Variants in FSTL4 observed in about 807,000 individuals in gnomAD.
FSTL4 encodes the protein follistatin like 4, also known as follistatin-related protein 4.
Under a neutral mutation model 78.2 loss-of-function variants are expected in FSTL4, and 28 were observed. That is an observed-to-expected ratio of 0.36 (90% CI 0.27 to 0.49). FSTL4 has a LOEUF of 0.49. Ranked by LOEUF, FSTL4 falls within the 20% of genes least tolerant of loss-of-function variation. The probability of loss-of-function intolerance (pLI) is 0.98; values close to 1 mark genes in which losing one functional copy is unlikely to be tolerated. For synonymous variants in FSTL4, 422 were observed against 440.5 expected (o/e 0.96, Z 0.53); for missense variants, 922 against 1,084.9 (o/e 0.85, Z 2.11).
the FSTL4 span, among the ~76,000 whole-genome samples, chr5:133,713,609 C>A: frequency 6.6e-6 from 1 of 152,130 alleles, no homozygotes; most frequent in African/African-American, 2.4e-5. Flanking sequence ...AGGATCCTTC[C>A]ATCTTCCCAG....
intron 3 of FSTL4, among the ~76,000 whole-genome samples, chr5:133,421,737 C>T (rs952733669): frequency 6.6e-6 from 1 of 152,218 alleles, no homozygotes; most frequent in Non-Finnish European, 1.5e-5. Context: ...AGATTGGCAG[C>T]AAGCTGCTTT....
At chr5:133,233,801 C>T (rs2126804053) in intron 7 of FSTL4, among the ~76,000 whole-genome samples, 1 of 152,304 alleles carries the variant, frequency 6.6e-6, no homozygotes, top group South Asian at 2.1e-4. Flanking sequence ...GGTTTGAACA[C>T]ATCCCCCAGC....
the FSTL4 span, among the ~76,000 whole-genome samples, chr5:133,626,738 A>G: frequency 2.0e-5 from 3 of 151,836 alleles, no homozygotes; most frequent in East Asian, 1.9e-4. Flanking sequence ...TCCTTTGTGG[A>G]TGGAGAATGC....
chr5:133,779,163 C>G, the FSTL4 span, among the ~76,000 whole-genome samples: 1 of 152,304 alleles, frequency 6.6e-6, no homozygotes, highest in Non-Finnish European at 1.5e-5. Context: ...AAATCCCAAT[C>G]CCATCTCCTT....
At chr5:133,429,779 C>T (rs538001776) in intron 3 of FSTL4, among the ~76,000 whole-genome samples, 1 of 152,340 alleles carries the variant, frequency 6.6e-6, no homozygotes, top group South Asian at 2.1e-4. Context: ...GAGGCATCCA[C>T]CTTCAGCATG....
intron 6 of FSTL4, among the ~76,000 whole-genome samples, chr5:133,249,787 A>G (rs1337694008): frequency 1.3e-5 from 2 of 152,274 alleles, no homozygotes; most frequent in Non-Finnish European, 2.9e-5. Context: ...CCAAAAGGCT[A>G]TGTGAGTCCA....
intron 3 of FSTL4, among the ~76,000 whole-genome samples, chr5:133,436,522 C>A (rs1757034993): frequency 6.6e-6 from 1 of 151,960 alleles, no homozygotes; most frequent in Non-Finnish European, 1.5e-5. Context: ...AGCCTTTATT[C>A]TAGAAGCATT....
intron 1 of FSTL4, among the ~76,000 whole-genome samples, chr5:133,610,429 T>C (rs1162977905): frequency 1.3e-5 from 2 of 152,214 alleles, no homozygotes; most frequent in Non-Finnish European, 2.9e-5. Context: ...CTGAAGTCTT[T>C]GGAGAGGGTG....
At chr5:133,207,191 C>G (rs1372020296) in intron 14 of FSTL4, among the ~76,000 whole-genome samples, 2 of 152,138 alleles carry the variant, frequency 1.3e-5, no homozygotes, top group Non-Finnish European at 2.9e-5. Flanking sequence ...ATTTTCCTGT[C>G]ATCTTGTCTC....
At chr5:133,663,678 T>C in the FSTL4 span, among the ~76,000 whole-genome samples, 1 of 152,254 alleles carries the variant, frequency 6.6e-6, no homozygotes, top group Non-Finnish European at 1.5e-5. Flanking sequence ...ATCTTTCCAG[T>C]GACTTCACTG....
the FSTL4 span, among the ~76,000 whole-genome samples, chr5:133,742,183 A>G: frequency 1.3e-5 from 2 of 152,200 alleles, no homozygotes; most frequent in Non-Finnish European, 2.9e-5. Flanking sequence ...ATAGTCAATC[A>G]TCCTGATGGT....
intron 3 of FSTL4, among the ~76,000 whole-genome samples, chr5:133,425,083 C>T (rs573096350): frequency 5.5e-4 from 84 of 152,298 alleles, no homozygotes; most frequent in Non-Finnish European, 1.0e-3. Context: ...AAAAGATCTA[C>T]GGGCTCACAT....
the FSTL4 span, among the ~76,000 whole-genome samples, chr5:133,830,117 C>G: frequency 1.3e-5 from 2 of 152,210 alleles, no homozygotes; most frequent in Non-Finnish European, 2.9e-5. Context: ...GTCCTCACAT[C>G]AGTGGACAAA....
At chr5:133,579,222 G>A (rs972298330) in intron 2 of FSTL4, among the ~76,000 whole-genome samples, 7 of 152,192 alleles carry the variant, frequency 4.6e-5, no homozygotes, top group Non-Finnish European at 7.3e-5. Flanking sequence ...AGCGCCTGGC[G>A]TAGCGTAGGC....
chr5:133,791,107 C>T, the FSTL4 span, among the ~76,000 whole-genome samples: 1 of 152,208 alleles, frequency 6.6e-6, no homozygotes, highest in African/African-American at 2.4e-5. Context: ...ATGCCAGGCA[C>T]ACCCCTGCTT....
At chr5:133,466,268 T>C (rs1757704487) in intron 3 of FSTL4, among the ~76,000 whole-genome samples, 1 of 152,172 alleles carries the variant, frequency 6.6e-6, no homozygotes, top group Non-Finnish European at 1.5e-5. Flanking sequence ...ACCGGCCAGG[T>C]GCGGTGGCTC....
intron 6 of FSTL4, among the ~76,000 whole-genome samples, chr5:133,306,354 C>T (rs780775177): frequency 1.1e-4 from 16 of 152,188 alleles, no homozygotes; most frequent in Non-Finnish European, 1.2e-4. Flanking sequence ...AAGGTAATTA[C>T]GCAGCCTGCC....
chr5:133,475,897 G>C (rs1379407756), intron 3 of FSTL4, among the ~76,000 whole-genome samples: 1 of 152,122 alleles, frequency 6.6e-6, no homozygotes, highest in Non-Finnish European at 1.5e-5. Context: ...TGCCTTCTAG[G>C]AGCTCTGAGT....
chr5:133,480,028 C>G (rs1364958176), intron 3 of FSTL4, among the ~76,000 whole-genome samples: 1 of 152,190 alleles, frequency 6.6e-6, no homozygotes, highest in Non-Finnish European at 1.5e-5. Flanking sequence ...TCTACCCTCC[C>G]TATAAGGATC....
Sources: gnomAD v4.1 joint callset for allele counts (sites outside exome capture counted in the v4.1 genomes callset) on GRCh38, gnomAD v4.1.1 for gene constraint, MANE v1.5 for transcripts, NCBI Gene and HGNC (gene_info 2026-07-23, HGNC 2026-07-21) for gene names.